TBC1D22B: variants seen among roughly 807,000 people sequenced by gnomAD.
TBC1D22B encodes the protein chromosome 6 open reading frame 197.
TBC1D22B carries 32 observed loss-of-function variants against 69.1 expected under a neutral mutation model. That is an observed-to-expected ratio of 0.46 (90% confidence interval 0.35 to 0.62). TBC1D22B has a LOEUF of 0.62. Among genes scored for constraint, TBC1D22B ranks in the 20% least tolerant of loss-of-function variants. TBC1D22B has a pLI of 0.00. For synonymous variants in TBC1D22B, 206 were observed against 229.8 expected (o/e 0.90, Z 0.94); for missense variants, 462 against 630.9 (o/e 0.73, Z 2.87).
chr6:37,316,661 C>T (rs770211621), intron 10 of TBC1D22B, 42 bp from the exon 11 acceptor site: 1 of 1,612,670 alleles, frequency 6.2e-7, no homozygotes, highest in Non-Finnish European at 8.5e-7. Context: ...CTTTCAGGGT[C>T]CAGTCCCCTA....
At position 37,313,663 on chromosome 6, in the gene TBC1D22B, G is replaced by T. The variant is rs1464910982; in HGVS notation, c.1090-153G>T. ...CATTGGGCTTTCCCCCAACACTGTT[G>T]TTCTGTAGATTTCTTTGTTTCCCAG... is the stretch of plus-strand genomic sequence containing the variant. On this transcript the variant is annotated intron_variant, in intron 9 of 12. Transcript: ENST00000373491. 4.6e-5 allele frequency among the ~76,000 whole-genome samples: 7 copies of T among 152,292 alleles called. 1 individual carries two copies. The highest frequency in any genetic ancestry group is 3.4e-3 in the Middle Eastern group (1 of 294).
chr6:37,282,430 G>A (rs1453750720), intron 4 of TBC1D22B, 66 bp downstream of exon 4: 58 of 1,485,156 alleles, frequency 3.9e-5, no homozygotes, highest in Non-Finnish European at 7.2e-6. Context: ...AGACCTGGAA[G>A]CTACTGCTCT....
intron 2 of TBC1D22B, among the ~76,000 whole-genome samples, chr6:37,272,835 T>C (rs1766536838): frequency 6.6e-6 from 1 of 152,216 alleles, no homozygotes; most frequent in Non-Finnish European, 1.5e-5. Flanking sequence ...ACCTAACTGA[T>C]AGTCTTCCCT....
Position 37,318,856 on chromosome 6 carries a change from G to A in TBC1D22B, c.1389+1650G>A, listed in dbSNP as rs142472415. 4.4e-3 allele frequency among the ~76,000 whole-genome samples: 669 copies of A among 152,268 alleles called. 1 individual carries two copies. Among genetic ancestry groups the A allele is most frequent in the African/African-American group, 0.016 (646 of 41,540 alleles). The stretch of plus-strand genomic sequence containing the variant: ...ATCATTAGGGTTGGGGGTGGCGAGT[G>A]TATTGCTTTTATGCTTTGCACGTTT... On this transcript the variant is annotated intron_variant, in intron 12 of 12. Coordinates refer to ENST00000373491, the MANE Select transcript of TBC1D22B (RefSeq NM_017772.4).
chr6:37,327,268 G>A lies in TBC1D22B; in HGVS notation c.1390-3776G>A, dbSNP rs377737068. ...CCGAGGCGGGCGGATCACGAGGTCAGGAGATCGAGACCATCCTGGCTAACA... is the reference window on the plus strand; with the variant it reads ...CCGAGGCGGGCGGATCACGAGGTCAAGAGATCGAGACCATCCTGGCTAACA... On this transcript the variant is annotated intron_variant, in intron 12 of 12. Transcript: ENST00000373491. Among the ~76,000 whole-genome samples the A allele has an allele frequency of 4.1e-4, 40 of 97,768 alleles. 1 individual carries two copies. In the South Asian group the frequency reaches 0.011, roughly 27 times the overall value. The allele number at this position is 97,768 out of a possible 152,430, so 64.1% of individuals were successfully genotyped here.
chr6:37,291,396 C>T, intron 8 of TBC1D22B, 39 bp downstream of exon 8: 2 of 1,371,120 alleles, frequency 1.5e-6, no homozygotes, highest in African/African-American at 2.9e-5. Context: ...AGCTATTGCT[C>T]TTTCTTATCT....
At chr6:37,287,227 T>C (rs1767034215) in intron 7 of TBC1D22B, among the ~76,000 whole-genome samples, 155 bp downstream of exon 7, 1 of 152,202 alleles carries the variant, frequency 6.6e-6, no homozygotes, top group South Asian at 2.1e-4. Context: ...ATTTGATCTT[T>C]GTTACAAATC....
intron 1 of TBC1D22B, among the ~76,000 whole-genome samples, chr6:37,267,691 A>G (rs1018924757): frequency 2.6e-5 from 4 of 151,572 alleles, no homozygotes; most frequent in Non-Finnish European, 5.9e-5. Flanking sequence ...ATGAGTAATG[A>G]TGAAATTAGT....
intron 1 of TBC1D22B, chr6:37,258,268 G>A (rs924354430): frequency 2.0e-5 from 8 of 405,260 alleles, no homozygotes; most frequent in Admixed American, 8.5e-5. Context: ...TGAATAGTCA[G>A]TGTCGGCCCT....
At position 37,284,540 on chromosome 6, in the gene TBC1D22B, T is replaced by C. The variant is rs1583544419; in HGVS notation, c.801+76T>C. 29 of 1,448,000 alleles carry C rather than the reference T, an allele frequency of 2.0e-5. 1 individual carries two copies. The East Asian group carries it at 5.6e-4, about 28-fold the overall frequency. The allele number at this position is 1,448,000 out of a possible 1,614,324, so 89.7% of individuals were successfully genotyped here. A position where few individuals can be genotyped will look rare whatever the true frequency, so the allele number is the denominator to read the frequency against. ...ATGTCTCATGGTAGTGCTCTCAGGGTACAGGCTTTCCAAGTCTTCAGGCTG... is the reference window on the plus strand; with the variant it reads ...ATGTCTCATGGTAGTGCTCTCAGGGCACAGGCTTTCCAAGTCTTCAGGCTG... On this transcript the variant is annotated intron_variant, in intron 6 of 12. Transcript: ENST00000373491.
intron 12 of TBC1D22B, among the ~76,000 whole-genome samples, chr6:37,323,834 T>C (rs531776912): frequency 6.6e-6 from 1 of 152,312 alleles, no homozygotes; most frequent in Admixed American, 6.5e-5. Context: ...TGAAGATCTT[T>C]CTGCCCAAAA....
At chr6:37,317,036 G>A in intron 11 of TBC1D22B, 75 bp from the exon 12 acceptor site, 1 of 1,493,062 alleles carries the variant, frequency 6.7e-7, no homozygotes, top group South Asian at 1.2e-5. Context: ...CCTCCCAGAA[G>A]GAATGGAACT....
intron 8 of TBC1D22B, among the ~76,000 whole-genome samples, chr6:37,305,848 A>G (rs1767701480): frequency 6.6e-6 from 1 of 152,134 alleles, no homozygotes; most frequent in Non-Finnish European, 1.5e-5. Flanking sequence ...GCTTTATCTA[A>G]TTTGAATCAT....
chr6:37,270,958 C>T (rs1044986069), intron 2 of TBC1D22B, among the ~76,000 whole-genome samples: 3 of 151,926 alleles, frequency 2.0e-5, no homozygotes, highest in Non-Finnish European at 4.4e-5. Flanking sequence ...AGGGGAGATA[C>T]GAATAGGTAG....
At chr6:37,330,358 C>A (rs1163599777) in intron 12 of TBC1D22B, among the ~76,000 whole-genome samples, 1 of 150,660 alleles carries the variant, frequency 6.6e-6, no homozygotes, top group Admixed American at 6.7e-5. Flanking sequence ...CCTGCCTCAG[C>A]CTCCCAAGTA....
intron 9 of TBC1D22B, among the ~76,000 whole-genome samples, chr6:37,313,249 G>C (rs894401644): frequency 3.9e-5 from 6 of 152,168 alleles, no homozygotes; most frequent in African/African-American, 1.4e-4. Context: ...CAACACTTTG[G>C]GAGGCCAAGA....
chr6:37,298,828 A>G (rs980982501), intron 8 of TBC1D22B, among the ~76,000 whole-genome samples: 3 of 151,966 alleles, frequency 2.0e-5, no homozygotes, highest in Non-Finnish European at 4.4e-5. Context: ...TACAGGCGTG[A>G]GCCACCGCGC....
chr6:37,328,523 T>C (rs1460903507), intron 12 of TBC1D22B, among the ~76,000 whole-genome samples: 1 of 152,212 alleles, frequency 6.6e-6, no homozygotes, highest in Non-Finnish European at 1.5e-5. Context: ...GAAAATTCTT[T>C]GGATATTGAA....
intron 8 of TBC1D22B, among the ~76,000 whole-genome samples, chr6:37,291,756 C>T (rs1767193109): frequency 6.6e-6 from 1 of 152,148 alleles, no homozygotes; most frequent in African/African-American, 2.4e-5. Context: ...TGTGGACGTG[C>T]AGAGGACAAA....
Sources: allele counts gnomAD v4.1 joint callset (sites outside exome capture counted in the v4.1 genomes callset), GRCh38; gene constraint gnomAD v4.1.1; transcripts MANE v1.5; gene names NCBI Gene and HGNC (gene_info 2026-07-23, HGNC 2026-07-21).